The following PCSK5 variants were observed in gnomAD, a reference collection of about 807,000 sequenced individuals.
PCSK5 encodes proprotein convertase subtilisin/kexin type 5, also known as prohormone convertase 5.
A neutral mutation model predicts 233.2 loss-of-function variants in PCSK5; 129 were observed. That is an observed-to-expected ratio of 0.55 (90% CI 0.48 to 0.64). The LOEUF (loss-of-function observed/expected upper bound fraction) is 0.64, where lower values mean the gene tolerates loss of function less well. Ranked by LOEUF, PCSK5 falls within the 30% of genes least tolerant of loss-of-function variation. The probability of loss-of-function intolerance (pLI) is 0.00; values close to 1 mark genes in which losing one functional copy is unlikely to be tolerated. For synonymous variants in PCSK5, 825 were observed against 879.2 expected (o/e 0.94, Z 1.09); for missense variants, 2,076 against 2,430.1 (o/e 0.85, Z 3.06).
intron 2 of PCSK5, among the ~76,000 whole-genome samples, chr9:75,984,321 G>C (rs1307577216): frequency 6.6e-6 from 1 of 152,118 alleles, no homozygotes; most frequent in Non-Finnish European, 1.5e-5. Context: ...AGACTGTCCT[G>C]ACCTCTAGGA....
At chr9:75,940,503 GGATGTA>G (rs1265916323) in intron 2 of PCSK5, among the ~76,000 whole-genome samples, 1 of 152,232 alleles carries the variant, frequency 6.6e-6, no homozygotes, top group East Asian at 1.9e-4. Flanking sequence ...TGAAGTGATT[GGATGTA>G]GCTGGCAGGA....
chr9:75,928,642 C>G (rs1240317126), intron 1 of PCSK5, among the ~76,000 whole-genome samples: 1 of 73,464 alleles, frequency 1.4e-5, no homozygotes, highest in African/African-American at 5.0e-5. Flanking sequence ...TATATATAAT[C>G]CTAGAAGGTG....
rs117769354 is a variant in PCSK5, at chr9:76,058,579, T to C, written c.633-9376T>C. Among the ~76,000 whole-genome samples the C allele has an allele frequency of 8.0e-4, 122 of 152,270 alleles. 2 individuals are homozygous for C. In the East Asian group the frequency reaches 0.023, roughly 29 times the overall value. ...GGAAGTGGCAAATTTAAATCTTCTT[T>C]GGATCAAGGAGCGTCTCCCTCAAGC... is the stretch of plus-strand genomic sequence containing the variant. On this transcript the variant is annotated intron_variant, in intron 5 of 37. Transcript: ENST00000674117.
intron 7 of PCSK5, among the ~76,000 whole-genome samples, chr9:76,094,327 G>A (rs956134422): frequency 6.6e-6 from 1 of 152,116 alleles, no homozygotes; most frequent in Non-Finnish European, 1.5e-5. Flanking sequence ...GAAAATTAGG[G>A]CCTGGAAGGA....
At chr9:76,110,134 A>G (rs1380216577) in intron 9 of PCSK5, among the ~76,000 whole-genome samples, 1 of 152,178 alleles carries the variant, frequency 6.6e-6, no homozygotes, top group Non-Finnish European at 1.5e-5. Context: ...AGCAAGATCT[A>G]CAAGATACGC....
At chr9:76,087,519 G>A (rs1310067167) in intron 7 of PCSK5, among the ~76,000 whole-genome samples, 5 of 152,086 alleles carry the variant, frequency 3.3e-5, no homozygotes, top group African/African-American at 4.8e-5. Flanking sequence ...ACTAGGATAT[G>A]AACAATATCA....
At chr9:76,332,831 G>A (rs1829574716) in intron 34 of PCSK5, among the ~76,000 whole-genome samples, 1 of 152,212 alleles carries the variant, frequency 6.6e-6, no homozygotes, top group African/African-American at 2.4e-5. Context: ...TGTCAAGCCG[G>A]ACTCACCTGA....
Position 76,173,496 on chromosome 9 carries a change from C to CTTTTTTTTTTTTTTTTTTTTT in PCSK5, c.1757-1474_1757-1454dup, listed in dbSNP as rs59248860. ...CTTTAATGAAATGGAGGCACGTTTC[C>CTTTTTTTTTTTTTTTTTTTTT]TTTTTTTTTTTTTTTTTTTTTTTTT... is the stretch of plus-strand genomic sequence containing the variant. On this transcript the variant is annotated intron_variant, in intron 13 of 37. Transcript: ENST00000674117. Among the ~76,000 whole-genome samples the CTTTTTTTTTTTTTTTTTTTTT allele has an allele frequency of 9.3e-4, 57 of 61,008 alleles. 7 individuals carry two copies. The highest frequency in any genetic ancestry group is 1.4e-3 in the Non-Finnish European group (43 of 30,128). The allele number at this position is 61,008 out of a possible 152,430, so 40.0% of individuals were successfully genotyped here.
chr9:76,153,473 G>T (rs1390097243), intron 10 of PCSK5, among the ~76,000 whole-genome samples: 1 of 152,188 alleles, frequency 6.6e-6, no homozygotes, highest in East Asian at 1.9e-4. Context: ...ATTTTACACA[G>T]TGCTTGCACA....
intron 8 of PCSK5, among the ~76,000 whole-genome samples, chr9:76,106,571 T>C (rs1293980279): frequency 6.6e-6 from 1 of 152,232 alleles, no homozygotes; most frequent in Admixed American, 6.5e-5. Context: ...GAGAAATAAC[T>C]AATTTTCTCT....
intron 6 of PCSK5, 42 bp downstream of exon 6, chr9:76,068,085 T>G: frequency 7.2e-7 from 1 of 1,383,578 alleles, no homozygotes; most frequent in African/African-American, 1.4e-5. Context: ...ATGCGCCAGT[T>G]AGCTCTTTGG....
chr9:76,180,067 A>ATATATATGTGTGTGTGTGTGTG (rs1564085667), intron 15 of PCSK5, among the ~76,000 whole-genome samples: 5 of 96,002 alleles, frequency 5.2e-5, no homozygotes, highest in Non-Finnish European at 1.0e-4. Context: ...CATGATGTTT[A>ATATATATGTGTGTGTGTGTGTG]TATATATATG....
intron 9 of PCSK5, among the ~76,000 whole-genome samples, chr9:76,130,375 C>T (rs537420745): frequency 6.6e-6 from 1 of 152,204 alleles, no homozygotes; most frequent in South Asian, 2.1e-4. Flanking sequence ...TTTGTGGATC[C>T]GTTTGGAAAT....
At chr9:76,213,873 A>T (rs1280285417) in intron 20 of PCSK5, among the ~76,000 whole-genome samples, 1 of 152,036 alleles carries the variant, frequency 6.6e-6, no homozygotes, top group Non-Finnish European at 1.5e-5. Context: ...TCTCTGAAAC[A>T]TTCTCCACTT....
At chr9:76,133,781 A>G (rs1822856932) in intron 9 of PCSK5, among the ~76,000 whole-genome samples, 1 of 152,036 alleles carries the variant, frequency 6.6e-6, no homozygotes, top group African/African-American at 2.4e-5. Flanking sequence ...AAGCTTTTAT[A>G]CAAAGGATGA....
In PCSK5 at chr9:75,953,382, A is replaced by G. The variant is rs558583116; in HGVS notation, c.297+20899A>G. 2.6e-5 allele frequency among the ~76,000 whole-genome samples: 4 copies of G among 152,286 alleles called. No individual in the cohort carries two copies. The South Asian group carries it at 8.3e-4, about 32-fold the overall frequency. ...CCAATAAATATTTTATTGTGTTGCT[A>G]TGTGGCAATAGTTACACCAGGTCAA... On this transcript the variant is annotated intron_variant, in intron 2 of 37. Coordinates refer to ENST00000674117, the MANE Select transcript of PCSK5 (RefSeq NM_001372043.1).
intron 1 of PCSK5, among the ~76,000 whole-genome samples, chr9:75,917,200 G>A (rs1008723329): frequency 4.8e-4 from 71 of 148,834 alleles, no homozygotes; most frequent in African/African-American, 1.7e-3. Context: ...GATGGGAAAA[G>A]CATATGAATA....
chr9:76,250,982 A>G (rs1826781624), intron 24 of PCSK5, among the ~76,000 whole-genome samples: 1 of 152,256 alleles, frequency 6.6e-6, no homozygotes, highest in African/African-American at 2.4e-5. Flanking sequence ...TGGCTTGAAA[A>G]GTAGTCCAAG....
At chr9:76,029,688 A>T (rs886474271) in intron 5 of PCSK5, among the ~76,000 whole-genome samples, 8 of 152,134 alleles carry the variant, frequency 5.3e-5, no homozygotes, top group African/African-American at 1.9e-4. Context: ...GAGTTGGGTA[A>T]ATTTCTCTCC....
Sources: allele counts gnomAD v4.1 joint callset (sites outside exome capture counted in the v4.1 genomes callset), GRCh38; gene constraint gnomAD v4.1.1; transcripts MANE v1.5; gene names NCBI Gene and HGNC (gene_info 2026-07-23, HGNC 2026-07-21).